Variants in COL11A2 observed in about 807,000 individuals in gnomAD.
The protein encoded by COL11A2 is collagen alpha-2(XI) chain.
Under a neutral mutation model 273.4 loss-of-function variants are expected in COL11A2, and 116 were observed. That is an observed-to-expected ratio of 0.42 (90% CI 0.36 to 0.49). The LOEUF is 0.49. Among genes scored for constraint, COL11A2 ranks in the 20% least tolerant of loss-of-function variants. The probability of loss-of-function intolerance (pLI) is 0.00; values close to 1 mark genes in which losing one functional copy is unlikely to be tolerated. For missense variants in COL11A2, 1,866 were observed against 2,309.0 expected, an observed-to-expected ratio of 0.81 and a Z score of 3.93; for synonymous variants, 782 against 864.2, an observed-to-expected ratio of 0.90 and a Z score of 1.67.
intron 38 of COL11A2, 100 bp from the exon 39 acceptor site, chr6:33,172,737 CT>C: frequency 9.7e-7 from 1 of 1,031,450 alleles, no homozygotes; most frequent in Non-Finnish European, 1.5e-6. Flanking sequence ...TTCAGAACCC[CT>C]TTATCCCTGC....
At position 33,164,521 on chromosome 6, in the gene COL11A2, G is replaced by A. The variant is rs2150511723; in HGVS notation, c.4864-48C>T. The A allele has an allele frequency of 6.9e-7, 1 of 1,442,056 alleles. No individual in the cohort carries two copies. The highest frequency in any genetic ancestry group is 9.3e-7 in the Non-Finnish European group (1 of 1,073,392). 89.3% of individuals were successfully genotyped at this position (1,442,056 alleles called of 1,614,324 possible). A position where few individuals can be genotyped will look rare whatever the true frequency, so the allele number is the denominator to read the frequency against. On this transcript the variant is annotated intron_variant, in intron 64 of 65. Transcript: ENST00000341947. The surrounding 1 kb of genome is among the most constrained non-coding windows in gnomAD (Gnocchi z 4.7). ...CCTCAGAGGGGGAGAGAGAGGGCTG[G>A]CCTCAGAGGGAGACAGAGACGGGCC...
At position 33,170,423 on chromosome 6, in the gene COL11A2, T is replaced by C. The variant is rs16868900; in HGVS notation, c.3529-44A>G. On this transcript the variant is annotated intron_variant, in intron 47 of 65. Transcript: ENST00000341947. This position sits in a 1 kb window ranked among gnomAD's most constrained non-coding sequence, Gnocchi z 4.3. ...CCACAGATGAGGAAGGGAAGTGAGATGGCTGAGCATGAATGGTGGAGAGAG... is the reference window on the plus strand; with the variant it reads ...CCACAGATGAGGAAGGGAAGTGAGACGGCTGAGCATGAATGGTGGAGAGAG... 48,233 of 1,507,326 alleles carry C rather than the reference T, an allele frequency of 0.032. 1,007 individuals carry two copies. The highest frequency in any genetic ancestry group is 0.095 in the African/African-American group (6,421 of 67,788). 93.4% of individuals were successfully genotyped at this position (1,507,326 alleles called of 1,614,324 possible).
intron 7 of COL11A2, among the ~76,000 whole-genome samples, chr6:33,184,654 G>A (rs114435161): frequency 0.14 from 21,812 of 152,080 alleles, 2,108 homozygotes; most frequent in Admixed American, 0.26. Flanking sequence ...AAAGAGATAG[G>A]GAAGACAAAA....
At position 33,164,592 on chromosome 6, in the gene COL11A2, C is replaced by CAGGG; in HGVS notation, c.4864-123_4864-120dup. ...AGGACAGCTGAGCCAGAGTCATGAG[C>CAGGG]AGGGAATGGCTGGAAGGCAAGGGCT... is the stretch of plus-strand genomic sequence containing the variant. On this transcript the variant is annotated intron_variant, in intron 64 of 65. Transcript: ENST00000341947. The surrounding 1 kb of genome is among the most constrained non-coding windows in gnomAD (Gnocchi z 4.7). The CAGGG allele has an allele frequency of 3.3e-6, 3 of 906,880 alleles. No homozygotes were observed. Among genetic ancestry groups the CAGGG allele is most frequent in the Non-Finnish European group, 4.9e-6 (3 of 611,154 alleles). The allele number at this position is 906,880 out of a possible 1,614,324, so 56.2% of individuals were successfully genotyped here.
Position 33,178,344 on chromosome 6 carries a change from G to A in COL11A2, c.1782C>T (p.Asp594=), listed in dbSNP as rs41266697. The A allele has an allele frequency of 7.6e-3, 12,195 of 1,612,264 alleles. 60 individuals are homozygous for A. The highest frequency in any genetic ancestry group is 7.9e-3 in the Non-Finnish European group (9,326 of 1,179,814). The change falls in exon 20 of 66, where the codon GAC becomes GAT. Residue 594 remains aspartate (D), a synonymous_variant. Transcript: ENST00000341947. The surrounding 1 kb of genome is among the most constrained non-coding windows in gnomAD (Gnocchi z 4.6). ...PPGEDGERGD[D]GEIGPRGLPG... ...GCAGCCCTCGAGGCCCAATCTCCCCGTCATCTCCCTGGAGGAGGAGGACAC... is the reference window on the plus strand; with the variant it reads ...GCAGCCCTCGAGGCCCAATCTCCCCATCATCTCCCTGGAGGAGGAGGACAC...
rs771417043 is a variant in COL11A2, at chr6:33,167,331, G to A, written c.4123-14C>T. The A allele has an allele frequency of 6.2e-7, 1 of 1,613,314 alleles. No homozygotes were observed. Among genetic ancestry groups the A allele is most frequent in the South Asian group, 1.1e-5 (1 of 91,084 alleles). ...GCCTTGCTGACCCTGAAGATTTGAGGGGGCCACAGGGGTCAGGAGGAGCAT... is the reference window on the plus strand; with the variant it reads ...GCCTTGCTGACCCTGAAGATTTGAGAGGGCCACAGGGGTCAGGAGGAGCAT... On this transcript the variant is annotated splice_polypyrimidine_tract_variant and intron_variant, in intron 56 of 65. Coordinates refer to ENST00000341947, the MANE Select transcript of COL11A2 (RefSeq NM_080680.3). This position sits in a 1 kb window ranked among gnomAD's most constrained non-coding sequence, Gnocchi z 6.1.
At position 33,189,523 on chromosome 6, in the gene COL11A2, A is replaced by G. The variant is rs1772858271; in HGVS notation, c.83-54T>C. On this transcript the variant is annotated intron_variant, in intron 1 of 65. Transcript: ENST00000341947. The surrounding 1 kb of genome is among the most constrained non-coding windows in gnomAD (Gnocchi z 5.6). ...GGGACATGCCCTCAGGAGGGCATAA[A>G]TAGGGGACATTTGGGATCTAGAACT... 3 of 1,603,702 alleles carry G rather than the reference A, an allele frequency of 1.9e-6. No homozygotes were observed. Among genetic ancestry groups the G allele is most frequent in the Non-Finnish European group, 2.6e-6 (3 of 1,172,718 alleles).
intron 4 of COL11A2, among the ~76,000 whole-genome samples, chr6:33,187,132 G>C (rs2150614848): frequency 6.6e-6 from 1 of 152,276 alleles, no homozygotes; most frequent in South Asian, 2.1e-4. Flanking sequence ...CAGATCCCAG[G>C]CCTTCCAGAA....
intron 8 of COL11A2, among the ~76,000 whole-genome samples, chr6:33,183,427 T>C (rs894455413): frequency 6.6e-6 from 1 of 152,036 alleles, no homozygotes; most frequent in Non-Finnish European, 1.5e-5. Flanking sequence ...ATCATGACAG[T>C]GAAGGGTAAT....
At position 33,167,556 on chromosome 6, in the gene COL11A2, G is replaced by A. The variant is rs775196432; in HGVS notation, c.4015-23C>T. ...TCCCTGAAACACACACAAGGAATGT[G>A]TCCTGAATGGCAGAGGAGTGGGGTG... On this transcript the variant is annotated intron_variant, in intron 55 of 65. Coordinates refer to ENST00000341947, the MANE Select transcript of COL11A2 (RefSeq NM_080680.3). This position sits in a 1 kb window ranked among gnomAD's most constrained non-coding sequence, Gnocchi z 6.1. The A allele has an allele frequency of 1.2e-6, 2 of 1,611,362 alleles. No homozygotes were observed. Among genetic ancestry groups the A allele is most frequent in the South Asian group, 2.2e-5 (2 of 90,884 alleles).
At position 33,173,350 on chromosome 6, in the gene COL11A2, C is replaced by T; in HGVS notation, c.2734G>A (p.Val912Met). Residue 912 changes from valine to methionine, a missense_variant and splice_region_variant, in exon 37 of 66, where the codon GTG becomes ATG. Transcript: ENST00000341947. The surrounding 1 kb of genome is among the most constrained non-coding windows in gnomAD (Gnocchi z 6.3). ...LPGHPGQRGE[V>M]GFQGKTGPPG... ...GGGTAGCCAGGAGCATCACTCACCA[C>T]TTCTCCTCTTTGGCCTGGGTGTCCC... 1.9e-6 allele frequency: 3 copies of T among 1,612,330 alleles called. No homozygotes were observed. Among genetic ancestry groups the T allele is most frequent in the South Asian group, 1.1e-5 (1 of 91,076 alleles).
chr6:33,186,007 T>C (rs1197744069), intron 5 of COL11A2, among the ~76,000 whole-genome samples: 1 of 151,750 alleles, frequency 6.6e-6, no homozygotes, highest in African/African-American at 2.4e-5. Flanking sequence ...GAAGCAGACA[T>C]GATTAAGAGA....
Position 33,180,721 on chromosome 6 carries a change from C to T in COL11A2, c.1231G>A (p.Gly411Ser). ...GGGTTCCCCTGGATGCCAGGGGGACCAATCAATCCCTGAGGAACAAAAGAG... is the reference window on the plus strand; with the variant it reads ...GGGTTCCCCTGGATGCCAGGGGGACTAATCAATCCCTGAGGAACAAAAGAG... ...PGPEGPAGLI[G>S]PPGIQGNPGP... The change falls in exon 11 of 66, where the codon GGT (glycine) becomes AGT (serine). Residue 411 changes from glycine to serine, a missense_variant. By Grantham distance (56) the Gly-to-Ser change is moderately conservative. Transcript: ENST00000341947. The T allele has an allele frequency of 6.2e-7, 1 of 1,611,126 alleles. No homozygotes were observed. The highest frequency in any genetic ancestry group is 8.5e-7 in the Non-Finnish European group (1 of 1,179,088).
rs774022156 is a variant in COL11A2 at position 33,178,648 on chromosome 6, A to C, written c.1719+31T>G. On this transcript the variant is annotated intron_variant, in intron 18 of 65. Coordinates refer to ENST00000341947, the MANE Select transcript of COL11A2 (RefSeq NM_080680.3). This position sits in a 1 kb window ranked among gnomAD's most constrained non-coding sequence, Gnocchi z 4.6. ...TCACTCCCATAGAAGATCTATCCCC[A>C]ATTACAACACACACCCACTAATGTA... The C allele has an allele frequency of 7.4e-6, 12 of 1,612,128 alleles. No homozygotes were observed. The Admixed American group carries it at 1.2e-4, about 16-fold the overall frequency.
Position 33,167,752 on chromosome 6 carries a change from T to A in COL11A2, c.4014+47A>T, listed in dbSNP as rs1769378827. The stretch of plus-strand genomic sequence containing the variant: ...TCTGGAGACGGAGGCATCTGAGGGG[T>A]GGGAGGCGGAGGGGATGCTCCAGCA... On this transcript the variant is annotated intron_variant, in intron 55 of 65. Transcript: ENST00000341947. The surrounding 1 kb of genome is among the most constrained non-coding windows in gnomAD (Gnocchi z 6.1). 1.2e-6 allele frequency: 2 copies of A among 1,603,190 alleles called. No individual in the cohort carries two copies. The highest frequency in any genetic ancestry group is 4.5e-5 in the East Asian group (2 of 44,634).
Position 33,170,843 on chromosome 6 carries a change from T to C in COL11A2, c.3441A>G (p.Gly1147=). 6.2e-7 allele frequency: 1 copy of C among 1,612,854 alleles called. No individual in the cohort carries two copies. The highest frequency in any genetic ancestry group is 2.2e-5 in the East Asian group (1 of 44,860). The change falls in exon 46 of 66, where the codon GGA becomes GGG. Residue 1147 remains glycine (G), a synonymous_variant. Coordinates refer to ENST00000341947, the MANE Select transcript of COL11A2 (RefSeq NM_080680.3). This position sits in a 1 kb window ranked among gnomAD's most constrained non-coding sequence, Gnocchi z 4.3. ...CAATGGGTCCTGGGGGCCCATTGAA[T>C]CCTCTTGTTCCTTCATCACCTTTGG... The part of the protein sequence containing the change: ...FGAKGDEGTR[G]FNGPPGPIGL...
rs773685476 is a variant in COL11A2 at position 33,163,650 on chromosome 6, G to T, written c.*28C>A. ...TGGGATTCCAGGTGGGCCTGGTTCC[G>T]AATGGACAGGATCAGACAGAGACGG... On this transcript the variant is annotated 3_prime_UTR_variant, in exon 66 of 66. Transcript: ENST00000341947. This position sits in a 1 kb window ranked among gnomAD's most constrained non-coding sequence, Gnocchi z 4.1. 195 of 1,612,852 alleles carry T rather than the reference G, an allele frequency of 1.2e-4. No homozygotes were observed. Among genetic ancestry groups the T allele is most frequent in the Non-Finnish European group, 1.6e-4 (193 of 1,180,004 alleles).
Position 33,173,382 on chromosome 6 carries a change from C to T in COL11A2, c.2702G>A (p.Gly901Glu), listed in dbSNP as rs1384337571. 2 of 1,612,906 alleles carry T rather than the reference C, an allele frequency of 1.2e-6. No individual in the cohort carries two copies. Among genetic ancestry groups the T allele is most frequent in the South Asian group, 1.1e-5 (1 of 91,084 alleles). ...TCTTTGGCCTGGGTGTCCCGGCAGC[C>T]CATCCTTCCCAGGGGGGCCCTGGAA... ...KGPPGPPGKD[G>E]LPGHPGQRGE... The change falls in exon 37 of 66, where the codon GGG (glycine) becomes GAG (glutamate). Residue 901 changes from glycine (G) to glutamate (E), a missense_variant. Transcript: ENST00000341947. The surrounding 1 kb of genome is among the most constrained non-coding windows in gnomAD (Gnocchi z 6.3).
intron 30 of COL11A2, among the ~76,000 whole-genome samples, 197 bp from the exon 31 acceptor site, chr6:33,174,777 C>A (rs905329699): frequency 9.2e-5 from 14 of 152,010 alleles, no homozygotes; most frequent in Non-Finnish European, 1.3e-4. Flanking sequence ...TGGATTTTCC[C>A]CAATTCTAGT....
Sources: gnomAD v4.1 joint callset for allele counts (sites outside exome capture counted in the v4.1 genomes callset) on GRCh38, gnomAD v4.1.1 for gene constraint, Gnocchi (gnomAD v3.1) non-coding constraint, MANE v1.5 for transcripts, NCBI Gene and HGNC (gene_info 2026-07-23, HGNC 2026-07-21) for gene names.